MAP3K7: variants seen among roughly 807,000 people sequenced by gnomAD.
The protein encoded by MAP3K7 is TGF-beta activated kinase 1.
A neutral mutation model predicts 84.8 loss-of-function variants in MAP3K7; 21 were observed. The ratio of observed to expected loss-of-function variants is 0.25; its 90% confidence interval spans 0.18 to 0.36. The LOEUF (loss-of-function observed/expected upper bound fraction) is 0.36, where lower values mean the gene tolerates loss of function less well. Among genes scored for constraint, MAP3K7 ranks in the 10% least tolerant of loss-of-function variants. The pLI, the probability that MAP3K7 is intolerant of heterozygous loss-of-function variation, is 1.00. For missense variants in MAP3K7, 503 were observed against 747.7 expected (o/e 0.67, Z 3.82); for synonymous variants, 241 against 247.7 (o/e 0.97, Z 0.25).
At chr6:90,518,369 C>T (rs145732847) in intron 16 of MAP3K7, 78 bp downstream of exon 16, 64 of 765,054 alleles carry the variant, frequency 8.4e-5, no homozygotes, top group African/African-American at 7.8e-4. Flanking sequence ...CTAAAAACTA[C>T]GTTTTCATTG....
At chr6:90,523,823 T>C in intron 13 of MAP3K7, 40 bp from the exon 14 acceptor site, 1 of 1,206,518 alleles carries the variant, frequency 8.3e-7, no homozygotes. Flanking sequence ...ATGTGATTTT[T>C]TGATTAAAAA....
intron 1 of MAP3K7, among the ~76,000 whole-genome samples, chr6:90,583,774 A>ATG (rs1777354820): frequency 6.6e-6 from 1 of 152,170 alleles, no homozygotes; most frequent in Admixed American, 6.5e-5. Flanking sequence ...ACTTTCCACT[A>ATG]TACTACCCTG....
intron 13 of MAP3K7, among the ~76,000 whole-genome samples, chr6:90,534,240 T>C (rs757655420): frequency 2.0e-5 from 3 of 152,206 alleles, no homozygotes; most frequent in Non-Finnish European, 2.9e-5. Context: ...GTGAATACTT[T>C]TCTTCCTCAA....
chr6:90,541,622 G>C (rs1460076103), intron 12 of MAP3K7, among the ~76,000 whole-genome samples: 1 of 152,000 alleles, frequency 6.6e-6, no homozygotes, highest in Non-Finnish European at 1.5e-5. Context: ...AAATTGTACA[G>C]TCTGACCCAC....
chr6:90,533,717 T>C (rs867000373), intron 13 of MAP3K7, among the ~76,000 whole-genome samples: 28 of 152,330 alleles, frequency 1.8e-4, no homozygotes, highest in Middle Eastern at 3.4e-3. Context: ...TTGTCTGATA[T>C]TGGTGTTCTG....
chr6:90,585,385 G>T (rs1317835491), intron 1 of MAP3K7, among the ~76,000 whole-genome samples: 1 of 152,112 alleles, frequency 6.6e-6, no homozygotes, highest in East Asian at 1.9e-4. Flanking sequence ...TTTATTTGTT[G>T]AACGTTATCT....
chr6:90,538,456 T>A (rs1775747540), intron 12 of MAP3K7, among the ~76,000 whole-genome samples: 1 of 151,874 alleles, frequency 6.6e-6, no homozygotes, highest in Non-Finnish European at 1.5e-5. Flanking sequence ...GAAAAAGTAG[T>A]AGAAATGAGG....
intron 1 of MAP3K7, among the ~76,000 whole-genome samples, chr6:90,582,360 T>C (rs1040052520): frequency 1.2e-4 from 19 of 152,338 alleles, no homozygotes; most frequent in Admixed American, 9.1e-4. Flanking sequence ...CATGTACTCA[T>C]TGAACAAATA....
chr6:90,541,144 TCTG>T (rs1353469996), intron 12 of MAP3K7, among the ~76,000 whole-genome samples: 1 of 152,032 alleles, frequency 6.6e-6, no homozygotes, highest in East Asian at 1.9e-4. Context: ...AATCCAATAA[TCTG>T]CTACCTATTC....
intron 1 of MAP3K7, among the ~76,000 whole-genome samples, chr6:90,582,173 T>C (rs1433256919): frequency 1.3e-5 from 2 of 152,164 alleles, no homozygotes; most frequent in Non-Finnish European, 2.9e-5. Context: ...GCATTTTTTA[T>C]CCCTGCTAAA....
intron 1 of MAP3K7, among the ~76,000 whole-genome samples, chr6:90,572,477 G>C (rs1776937563): frequency 6.6e-6 from 1 of 151,574 alleles, no homozygotes; most frequent in African/African-American, 2.4e-5. Context: ...TTCAGAAAAG[G>C]CAAATCTATA....
At chr6:90,586,326 T>C (rs1777450787) in intron 1 of MAP3K7, among the ~76,000 whole-genome samples, 1 of 143,924 alleles carries the variant, frequency 6.9e-6, no homozygotes, top group South Asian at 2.2e-4. Context: ...GAGCCGAGAT[T>C]GCGCCACTGC....
At chr6:90,533,342 T>A (rs1207518592) in intron 13 of MAP3K7, among the ~76,000 whole-genome samples, 1 of 152,138 alleles carries the variant, frequency 6.6e-6, no homozygotes, top group Non-Finnish European at 1.5e-5. Flanking sequence ...GGGTTTAATA[T>A]TTATTGCAGT....
At chr6:90,571,914 TTA>T in intron 1 of MAP3K7, 107 bp from the exon 2 acceptor site, 2 of 419,380 alleles carry the variant, frequency 4.8e-6, no homozygotes. Flanking sequence ...AGACTTTAAA[TTA>T]AAAAAAAAAA....
chr6:90,555,422 AT>A (rs1297994295), intron 6 of MAP3K7, among the ~76,000 whole-genome samples: 2 of 152,060 alleles, frequency 1.3e-5, no homozygotes, highest in South Asian at 2.1e-4. Flanking sequence ...CGCCCGGCGA[AT>A]TTTTTGTAGT....
chr6:90,551,597 A>C (rs1241978145), intron 8 of MAP3K7: 7 of 152,438 alleles, frequency 4.6e-5, no homozygotes, highest in African/African-American at 1.7e-4. Flanking sequence ...AATGTGTCTG[A>C]GAATGCAACC....
At chr6:90,557,416 G>A (rs757461492) in intron 5 of MAP3K7, among the ~76,000 whole-genome samples, 54 of 152,100 alleles carry the variant, frequency 3.6e-4, no homozygotes, top group Admixed American at 2.6e-4. Context: ...CATCTGGAGA[G>A]ACTATTTGGA....
chr6:90,513,844 T>C lies in MAP3K7; in HGVS notation c.*2657A>G, dbSNP rs762888709. The C allele has an allele frequency of 6.6e-6, 1 of 151,988 alleles. No homozygotes were observed. The highest frequency in any genetic ancestry group is 2.4e-5 in the African/African-American group (1 of 41,386). 9.4% of individuals were successfully genotyped at this position (151,988 alleles called of 1,614,324 possible). A position where few individuals can be genotyped will look rare whatever the true frequency, so the allele number is the denominator to read the frequency against. On this transcript the variant is annotated 3_prime_UTR_variant, in exon 17 of 17. Transcript: ENST00000369329. ...CTGAAATTAGGAACATGAAAGAAACTTGAAGAGAGAAGACATTCAATACTC... is the reference window on the plus strand; with the variant it reads ...CTGAAATTAGGAACATGAAAGAAACCTGAAGAGAGAAGACATTCAATACTC...
At chr6:90,561,229 AT>A (rs985522954) in intron 4 of MAP3K7, among the ~76,000 whole-genome samples, 2 of 150,694 alleles carry the variant, frequency 1.3e-5, no homozygotes, top group Non-Finnish European at 3.0e-5. Flanking sequence ...GAGTTTTCAC[AT>A]TTTTTTTTGA....
Sources: allele counts gnomAD v4.1 joint callset (sites outside exome capture counted in the v4.1 genomes callset), GRCh38; gene constraint gnomAD v4.1.1; transcripts MANE v1.5; gene names NCBI Gene and HGNC (gene_info 2026-07-23, HGNC 2026-07-21).